ATL3: variants seen among roughly 807,000 people sequenced by gnomAD.
ATL3 encodes the protein atlastin GTPase 3.
In ATL3, 49 loss-of-function variants were observed where a neutral mutation model predicts 69.5. The ratio of observed to expected loss-of-function variants is 0.71; its 90% confidence interval spans 0.56 to 0.89. The LOEUF (loss-of-function observed/expected upper bound fraction) is 0.89. ATL3 is among the 40% of genes least tolerant of loss of function. The probability of loss-of-function intolerance (pLI) is 0.00; values close to 1 mark genes in which losing one functional copy is unlikely to be tolerated. For synonymous variants in ATL3, 214 were observed against 224.1 expected, an observed-to-expected ratio of 0.95 and a Z score of 0.40; for missense variants, 606 against 645.7, an observed-to-expected ratio of 0.94 and a Z score of 0.67.
chr11:63,655,635 TG>T (rs1010003478), intron 3 of ATL3, among the ~76,000 whole-genome samples: 1 of 150,082 alleles, frequency 6.7e-6, no homozygotes, highest in African/African-American at 2.5e-5. Flanking sequence ...TTAGTAGAGA[TG>T]GGTTTTCACC....
Position 63,671,301 on chromosome 11 carries a change from G to A in ATL3, c.35C>T (p.Ser12Leu), listed in dbSNP as rs759836019. The change falls in exon 1 of 13, where the codon TCA (serine) becomes TTA (leucine). Residue 12 changes from serine to leucine, a missense_variant. Coordinates refer to ENST00000398868, the MANE Select transcript of ATL3 (RefSeq NM_015459.5). ...LSPQRVAAAASRGADDAMESS... is the reference protein window; with the variant it reads ...LSPQRVAAAALRGADDAMESS... Reference sequence around the variant, plus strand: ...AATCGGCGCCTCACCTGCTCCTCTTGAGGCAGCTGCTGCCACTCGCTGAGG... The same window carrying A: ...AATCGGCGCCTCACCTGCTCCTCTTAAGGCAGCTGCTGCCACTCGCTGAGG... 2 of 1,587,656 alleles carry A rather than the reference G, an allele frequency of 1.3e-6. No homozygotes were observed. The highest frequency in any genetic ancestry group is 1.7e-6 in the Non-Finnish European group (2 of 1,168,884).
At chr11:63,660,188 AGCCATGG>A (rs1940379262) in intron 1 of ATL3, among the ~76,000 whole-genome samples, 1 of 152,194 alleles carries the variant, frequency 6.6e-6, no homozygotes, top group South Asian at 2.1e-4. Flanking sequence ...TAAAAATGCA[AGCCATGG>A]GCTAGGGAAG....
intron 8 of ATL3, 123 bp from the exon 9 acceptor site, chr11:63,636,457 A>G: frequency 1.5e-6 from 2 of 1,358,078 alleles, no homozygotes; most frequent in Non-Finnish European, 2.0e-6. Flanking sequence ...GTGAGAGAGA[A>G]GCCGGGCACG....
chr11:63,656,223 C>CAA (rs200680867), intron 3 of ATL3, among the ~76,000 whole-genome samples: 41 of 119,612 alleles, frequency 3.4e-4, no homozygotes, highest in South Asian at 1.3e-3. Flanking sequence ...GACTCCGTCT[C>CAA]AAAAAAAAAA....
chr11:63,630,940 T>C (rs979170555), intron 12 of ATL3, 100 bp downstream of exon 12: 2 of 1,216,256 alleles, frequency 1.6e-6, no homozygotes, highest in East Asian at 2.4e-5. Flanking sequence ...CACTGTCTCA[T>C]GTCTTCACTA....
rs144062640 is a variant in ATL3 at position 63,657,359 on chromosome 11, C to T, written c.405+1402G>A. Among the ~76,000 whole-genome samples, 416 of 152,220 alleles carry T rather than the reference C, an allele frequency of 2.7e-3. 3 individuals carry two copies. Among genetic ancestry groups the T allele is most frequent in the African/African-American group, 8.8e-3 (365 of 41,526 alleles). On this transcript the variant is annotated intron_variant, in intron 3 of 12. Transcript: ENST00000398868. Reference sequence around the variant, plus strand: ...AGAAATCTGTGGAGAGGCTCTATGCCCATAGCTTACAAGGCATAGATGAGA... The same window carrying T: ...AGAAATCTGTGGAGAGGCTCTATGCTCATAGCTTACAAGGCATAGATGAGA...
At chr11:63,656,623 A>C (rs900915804) in intron 3 of ATL3, among the ~76,000 whole-genome samples, 4 of 150,984 alleles carry the variant, frequency 2.6e-5, no homozygotes, top group African/African-American at 9.8e-5. Flanking sequence ...AGTCCCAGCT[A>C]CTCAGAAGGC....
chr11:63,651,650 G>A (rs1940084238), intron 5 of ATL3, among the ~76,000 whole-genome samples: 1 of 152,056 alleles, frequency 6.6e-6, no homozygotes, highest in African/African-American at 2.4e-5. Context: ...TCCCCTCAGG[G>A]TCTGTCTTCC....
intron 3 of ATL3, 23 bp from the exon 4 acceptor site, chr11:63,652,598 C>T (rs1940113834): frequency 1.3e-6 from 2 of 1,541,776 alleles, no homozygotes; most frequent in East Asian, 4.5e-5. Flanking sequence ...AAAATACAAA[C>T]AAAAGAGATT....
intron 12 of ATL3, among the ~76,000 whole-genome samples, chr11:63,630,700 G>A (rs1369899569): frequency 2.7e-5 from 4 of 150,324 alleles, no homozygotes; most frequent in South Asian, 2.1e-4. Flanking sequence ...GGAGGCTGAC[G>A]CAAGAGAATC....
chr11:63,656,528 G>A (rs1940253624), intron 3 of ATL3, among the ~76,000 whole-genome samples: 1 of 151,702 alleles, frequency 6.6e-6, no homozygotes, highest in South Asian at 2.1e-4. Context: ...GAGGTCAGGA[G>A]TGCAAGACCA....
At chr11:63,646,895 C>G (rs1179906297) in intron 5 of ATL3, among the ~76,000 whole-genome samples, 1 of 152,174 alleles carries the variant, frequency 6.6e-6, no homozygotes, top group Non-Finnish European at 1.5e-5. Flanking sequence ...TTAGTTAGAT[C>G]ATATAATGGC....
chr11:63,659,438 G>T (rs1565282259), intron 1 of ATL3, among the ~76,000 whole-genome samples, 186 bp from the exon 2 acceptor site: 1 of 152,040 alleles, frequency 6.6e-6, no homozygotes. Context: ...ACTAGCCTGG[G>T]AAACGGTGAA....
chr11:63,631,936 C>T lies in ATL3; in HGVS notation c.1108-465G>A, dbSNP rs182278558. On this transcript the variant is annotated intron_variant, in intron 11 of 12. Coordinates refer to ENST00000398868, the MANE Select transcript of ATL3 (RefSeq NM_015459.5). ...GGCGGAGGTTGCAGTGAGCCGAGAT[C>T]GCACCACTGCACTCCAGCCTGGGCG... 2.2e-4 allele frequency among the ~76,000 whole-genome samples: 34 copies of T among 152,200 alleles called. No homozygotes were observed. The East Asian group carries it at 5.2e-3, about 23-fold the overall frequency.
chr11:63,633,156 A>G (rs1405214394), intron 10 of ATL3, 59 bp from the exon 11 acceptor site: 14 of 1,389,632 alleles, frequency 1.0e-5, no homozygotes, highest in Non-Finnish European at 1.4e-5. Context: ...TCCTCCACAA[A>G]TAACCTAACA....
chr11:63,629,471 C>A, intron 12 of ATL3, 66 bp from the exon 13 acceptor site: 1 of 1,420,232 alleles, frequency 7.0e-7, no homozygotes, highest in Non-Finnish European at 9.9e-7. Flanking sequence ...GAAAGTAAGT[C>A]CTTAAACTTT....
In ATL3 at chr11:63,627,535, C is replaced by T. The variant is rs1195748071; in HGVS notation, c.*1784G>A. 1 of 152,140 alleles carries T rather than the reference C, an allele frequency of 6.6e-6. No homozygotes were observed. Among genetic ancestry groups the T allele is most frequent in the Non-Finnish European group, 1.5e-5 (1 of 68,012 alleles). The allele number at this position is 152,140 out of a possible 1,614,324, so 9.4% of individuals were successfully genotyped here. Reference sequence around the variant, plus strand: ...ACTTTTTTTCTACCTTCCATTCATACTTCATGTATGTAAAGTTTACACTCA... The same window carrying T: ...ACTTTTTTTCTACCTTCCATTCATATTTCATGTATGTAAAGTTTACACTCA... On this transcript the variant is annotated 3_prime_UTR_variant, in exon 13 of 13. Coordinates refer to ENST00000398868, the MANE Select transcript of ATL3 (RefSeq NM_015459.5).
At chr11:63,661,448 T>A (rs960621744) in intron 1 of ATL3, among the ~76,000 whole-genome samples, 1 of 152,156 alleles carries the variant, frequency 6.6e-6, no homozygotes, top group Non-Finnish European at 1.5e-5. Context: ...AGATAACTAA[T>A]TAATTTGAAA....
chr11:63,646,431 G>T, intron 6 of ATL3, 76 bp downstream of exon 6: 2 of 829,790 alleles, frequency 2.4e-6, no homozygotes, highest in Non-Finnish European at 3.9e-6. Context: ...GCTAGATTTG[G>T]CCTATGAGCT....
Sources: allele counts gnomAD v4.1 joint callset (sites outside exome capture counted in the v4.1 genomes callset), GRCh38; gene constraint gnomAD v4.1.1; transcripts MANE v1.5; gene names NCBI Gene and HGNC (gene_info 2026-07-23, HGNC 2026-07-21).